TMCO5A: variants seen among roughly 807,000 people sequenced by gnomAD.
The protein encoded by TMCO5A is transmembrane and coiled-coil domains 5A, also known as transmembrane and coiled-coil domain-containing protein 5A.
TMCO5A carries 34 observed loss-of-function variants against 42.3 expected under a neutral mutation model. The ratio of observed to expected loss-of-function variants is 0.80; its 90% CI spans 0.61 to 1.07. The LOEUF (loss-of-function observed/expected upper bound fraction) is 1.07. Ranked by LOEUF, TMCO5A falls within the 50% of genes least tolerant of loss-of-function variation. TMCO5A has a pLI of 0.00. For synonymous variants in TMCO5A, 131 were observed against 115.6 expected (o/e 1.13, Z -0.86); for missense variants, 357 against 327.9 (o/e 1.09, Z -0.69).
At chr15:38,004,544 G>A in the TMCO5A span, among the ~76,000 whole-genome samples, 1 of 152,152 alleles carries the variant, frequency 6.6e-6, no homozygotes, top group African/African-American at 2.4e-5. Flanking sequence ...GGTGAAGCTT[G>A]TTGGAACTCA....
At chr15:38,006,703 C>CT in the TMCO5A span, among the ~76,000 whole-genome samples, 1 of 152,184 alleles carries the variant, frequency 6.6e-6, no homozygotes, top group Non-Finnish European at 1.5e-5. Context: ...ATTCCCAACT[C>CT]TATGATCTCT....
At chr15:37,954,271 G>A (rs1890230936), downstream of TMCO5A, among the ~76,000 whole-genome samples, 1 of 151,984 alleles carries the variant, frequency 6.6e-6, no homozygotes, top group Non-Finnish European at 1.5e-5. Flanking sequence ...AATTCCCAAA[G>A]GTCAAGGATA....
chr15:37,968,219 C>G (rs1890602407), downstream of TMCO5A, among the ~76,000 whole-genome samples: 1 of 152,156 alleles, frequency 6.6e-6, no homozygotes, highest in African/African-American at 2.4e-5. Flanking sequence ...CAAGGTCAAG[C>G]TCCTAGAGGA....
At chr15:37,940,837 G>A (rs936823092) in intron 6 of TMCO5A, among the ~76,000 whole-genome samples, 1 of 152,132 alleles carries the variant, frequency 6.6e-6, no homozygotes, top group African/African-American at 2.4e-5. Flanking sequence ...ATATTAAAAG[G>A]AAAAGGAAGA....
chr15:37,947,758 G>T, intron 11 of TMCO5A, 62 bp downstream of exon 11: 1 of 1,164,236 alleles, frequency 8.6e-7, no homozygotes, highest in East Asian at 2.4e-5. Flanking sequence ...AGCTATTCGG[G>T]CAGAGGGAAA....
the TMCO5A span, among the ~76,000 whole-genome samples, chr15:37,975,350 C>A: frequency 6.6e-6 from 1 of 152,130 alleles, no homozygotes; most frequent in Non-Finnish European, 1.5e-5. Context: ...AAGTCTCCTA[C>A]TATTACTGTT....
the TMCO5A span, among the ~76,000 whole-genome samples, chr15:37,988,484 T>C: frequency 6.6e-6 from 1 of 152,042 alleles, no homozygotes; most frequent in Non-Finnish European, 1.5e-5. Context: ...GCTGTGAGTT[T>C]TTTCATACAT....
chr15:37,968,060 T>C (rs142322340), downstream of TMCO5A, among the ~76,000 whole-genome samples: 263 of 152,342 alleles, frequency 1.7e-3, 1 homozygote, highest in African/African-American at 6.1e-3. Flanking sequence ...TGAGATCTTG[T>C]TCACCCTATG....
chr15:37,996,552 G>A, the TMCO5A span, among the ~76,000 whole-genome samples: 1,670 of 152,234 alleles, frequency 0.011, 30 homozygotes, highest in African/African-American at 0.039. Context: ...GGGTAATCTT[G>A]TTAAGCATGC....
chr15:37,938,152 CTA>C lies in TMCO5A; in HGVS notation c.316-3_316-2del, dbSNP rs1453995371. ...AATTTAGTATATTTTTTATTTGAAA[CTA>C]TAGCTTACAAGGAAATCACAAAAGA... On this transcript the variant is annotated splice_region_variant and splice_polypyrimidine_tract_variant and intron_variant, in intron 5 of 11. Transcript: ENST00000319669. 6.4e-7 allele frequency: 1 copy of C among 1,566,612 alleles called. No individual in the cohort carries two copies.
intron 11 of TMCO5A, among the ~76,000 whole-genome samples, chr15:37,962,834 G>A (rs1890463970): frequency 1.3e-5 from 2 of 152,048 alleles, no homozygotes. Context: ...GTGTAAAGGT[G>A]TTCATAATAA....
chr15:37,983,592 G>T, the TMCO5A span, among the ~76,000 whole-genome samples: 1 of 152,130 alleles, frequency 6.6e-6, no homozygotes, highest in Non-Finnish European at 1.5e-5. Context: ...CAGACTCATA[G>T]AATTGGCAAG....
At chr15:38,032,990 C>T in the TMCO5A span, among the ~76,000 whole-genome samples, 1 of 150,222 alleles carries the variant, frequency 6.7e-6, no homozygotes, top group South Asian at 2.1e-4. Context: ...TGCAGTGGCG[C>T]CATGTTGGCT....
In TMCO5A at chr15:37,966,628, G is replaced by A. The variant is rs1890563288; in HGVS notation, c.672G>A (p.Trp224Ter). The A allele has an allele frequency of 1.4e-6, 1 of 702,760 alleles. No individual in the cohort carries two copies. The highest frequency in any genetic ancestry group is 2.6e-6 in the Non-Finnish European group (1 of 384,920). 43.5% of individuals were successfully genotyped at this position (702,760 alleles called of 1,614,324 possible). A position where few individuals can be genotyped will look rare whatever the true frequency, so the allele number is the denominator to read the frequency against. Residue 224 changes from tryptophan to a stop codon, truncating the protein, a stop_gained, in exon 12 of 12, where the codon TGG becomes TGA. Coordinates refer to the TMCO5A transcript ENST00000559502. LOFTEE classifies it high-confidence loss of function. ...TTTCTTTTTCTTCTCTCTTCAGATG[G>A]GCCTCCTCCTTTTAGTGGCAAGATG...
the TMCO5A span, among the ~76,000 whole-genome samples, chr15:37,981,183 A>G: frequency 6.8e-6 from 1 of 146,030 alleles, no homozygotes; most frequent in Non-Finnish European, 1.5e-5. Context: ...TTCTGCTCAG[A>G]AGGTAGAGAA....
chr15:37,990,318 A>G, the TMCO5A span, among the ~76,000 whole-genome samples: 1 of 152,040 alleles, frequency 6.6e-6, no homozygotes, highest in Non-Finnish European at 1.5e-5. Flanking sequence ...GTGTAAAATT[A>G]TTATATCTTT....
the TMCO5A span, among the ~76,000 whole-genome samples, chr15:38,019,329 T>C: frequency 1.3e-4 from 20 of 152,288 alleles, no homozygotes; most frequent in Admixed American, 1.3e-4. Flanking sequence ...CAATCTCAAG[T>C]AACAAGGAAA....
downstream of TMCO5A, among the ~76,000 whole-genome samples, chr15:37,955,472 G>A (rs949663702): frequency 2.0e-5 from 3 of 151,844 alleles, no homozygotes; most frequent in African/African-American, 7.3e-5. Flanking sequence ...ACTTTAAACT[G>A]TTACAAATAT....
chr15:37,988,004 C>G, the TMCO5A span, among the ~76,000 whole-genome samples: 3 of 151,804 alleles, frequency 2.0e-5, no homozygotes, highest in Non-Finnish European at 2.9e-5. Flanking sequence ...TGTAAAATGT[C>G]TTTCTATTTA....
Sources: allele counts gnomAD v4.1 joint callset (sites outside exome capture counted in the v4.1 genomes callset), GRCh38; gene constraint gnomAD v4.1.1; transcripts MANE v1.5; gene names NCBI Gene and HGNC (gene_info 2026-07-23, HGNC 2026-07-21).